The following RAPGEF6 variants were observed in gnomAD, a reference collection of about 807,000 sequenced individuals.
RAPGEF6 encodes the protein Rap guanine nucleotide exchange factor 6.
Under a neutral mutation model 171.4 loss-of-function variants are expected in RAPGEF6, and 56 were observed. That is an observed-to-expected ratio of 0.33 (90% confidence interval 0.26 to 0.41). The LOEUF is 0.41. Ranked by LOEUF, RAPGEF6 falls within the 10% of genes least tolerant of loss-of-function variation. The pLI is 1.00. For missense variants in RAPGEF6, 1,674 were observed against 1,921.4 expected (o/e 0.87, Z 2.41); for synonymous variants, 692 against 650.1 (o/e 1.06, Z -0.98).
At chr5:131,521,203 T>C (rs1479087935) in intron 7 of RAPGEF6, among the ~76,000 whole-genome samples, 187 bp downstream of exon 7, 1 of 152,218 alleles carries the variant, frequency 6.6e-6, no homozygotes, top group African/African-American at 2.4e-5. Context: ...TTAATCATTC[T>C]CAAAAGACAG....
chr5:131,540,254 C>A (rs1408053572), intron 6 of RAPGEF6, among the ~76,000 whole-genome samples: 3 of 152,190 alleles, frequency 2.0e-5, no homozygotes, highest in African/African-American at 7.2e-5. Context: ...AACACTCATA[C>A]AGGCACACTG....
chr5:131,455,533 C>T (rs1753427409), intron 20 of RAPGEF6, among the ~76,000 whole-genome samples: 1 of 152,226 alleles, frequency 6.6e-6, no homozygotes, highest in South Asian at 2.1e-4. Context: ...TCTGGGATTA[C>T]AGGCGTGAGC....
intron 5 of RAPGEF6, among the ~76,000 whole-genome samples, chr5:131,553,711 A>G (rs568658605): frequency 6.6e-5 from 10 of 152,216 alleles, no homozygotes; most frequent in Non-Finnish European, 1.5e-4. Flanking sequence ...AGTTAAGATC[A>G]AGGAAATTAA....
At chr5:131,543,092 T>C (rs912385939) in intron 6 of RAPGEF6, among the ~76,000 whole-genome samples, 1 of 152,188 alleles carries the variant, frequency 6.6e-6, no homozygotes, top group Non-Finnish European at 1.5e-5. Context: ...AAGGTACTTA[T>C]ATGCTAGATT....
At chr5:131,581,708 T>C (rs1041018982) in intron 4 of RAPGEF6, among the ~76,000 whole-genome samples, 4 of 152,172 alleles carry the variant, frequency 2.6e-5, no homozygotes, top group Admixed American at 6.5e-5. Flanking sequence ...AAGACAGGAA[T>C]GTAAGGTCCT....
chr5:131,443,016 C>T (rs2149814417), intron 22 of RAPGEF6, among the ~76,000 whole-genome samples: 1 of 151,558 alleles, frequency 6.6e-6, no homozygotes, highest in Admixed American at 6.6e-5. Flanking sequence ...TGCAATGGTG[C>T]AATCTTGGCT....
intron 6 of RAPGEF6, among the ~76,000 whole-genome samples, chr5:131,540,667 T>A (rs1339015555): frequency 1.3e-5 from 2 of 152,364 alleles, no homozygotes; most frequent in East Asian, 3.9e-4. Context: ...CAAAGTTTTT[T>A]AAACCTTTGA....
rs1183292522 is a variant in RAPGEF6 at position 131,447,906 on chromosome 5, T to C, written c.3201-1203A>G. Among the ~76,000 whole-genome samples, 4 of 152,214 alleles carry C rather than the reference T, an allele frequency of 2.6e-5. No individual in the cohort carries two copies. In the East Asian group the frequency reaches 7.7e-4, roughly 29 times the overall value. ...AAACTATGACAAGACATTATTTACA[T>C]CTGCAGAGACCTCAAAACTTGCAGA... is the stretch of plus-strand genomic sequence containing the variant. On this transcript the variant is annotated intron_variant, in intron 21 of 27. Coordinates refer to ENST00000509018, the MANE Select transcript of RAPGEF6 (RefSeq NM_016340.6).
chr5:131,596,008 G>A (rs756434540), intron 3 of RAPGEF6, among the ~76,000 whole-genome samples: 2 of 152,116 alleles, frequency 1.3e-5, no homozygotes, highest in East Asian at 1.9e-4. Context: ...ACAAAAATTA[G>A]CTGGGTGTGG....
At chr5:131,428,815 A>G in intron 27 of RAPGEF6, 87 bp downstream of exon 27, 1 of 1,332,304 alleles carries the variant, frequency 7.5e-7, no homozygotes, top group Non-Finnish European at 1.0e-6. Context: ...AGAAACAATT[A>G]CTAATTACCA....
At chr5:131,571,253 T>C (rs1310265241) in intron 4 of RAPGEF6, among the ~76,000 whole-genome samples, 6 of 152,128 alleles carry the variant, frequency 3.9e-5, no homozygotes, top group African/African-American at 1.4e-4. Flanking sequence ...CCAACTACTT[T>C]TTATTAATAG....
intron 1 of RAPGEF6, among the ~76,000 whole-genome samples, chr5:131,632,362 G>A (rs757736097): frequency 4.5e-4 from 68 of 152,278 alleles, no homozygotes; most frequent in African/African-American, 1.6e-3. Flanking sequence ...TACCCCTATA[G>A]TTAATGCCAT....
intron 18 of RAPGEF6, chr5:131,463,779 TA>T (rs1328973458): frequency 9.3e-7 from 1 of 1,074,464 alleles, no homozygotes; most frequent in Non-Finnish European, 1.1e-6. Context: ...AACAAATTTA[TA>T]AATTAGTAGA....
At chr5:131,470,984 G>A (rs1476462054) in intron 17 of RAPGEF6, among the ~76,000 whole-genome samples, 2 of 152,174 alleles carry the variant, frequency 1.3e-5, no homozygotes, top group Non-Finnish European at 2.9e-5. Context: ...CCCTGGTAGT[G>A]ACATTTCTTT....
At chr5:131,428,810 C>A (rs892483538) in intron 27 of RAPGEF6, 92 bp downstream of exon 27, 10 of 1,322,584 alleles carry the variant, frequency 7.6e-6, no homozygotes, top group African/African-American at 4.4e-5. Flanking sequence ...TTTAAAGAAA[C>A]AATTACTAAT....
At chr5:131,543,651 T>G (rs926630538) in intron 6 of RAPGEF6, among the ~76,000 whole-genome samples, 7 of 152,126 alleles carry the variant, frequency 4.6e-5, no homozygotes, top group African/African-American at 1.7e-4. Context: ...TTTTTAGAGG[T>G]GAAGCACCGA....
In RAPGEF6 at chr5:131,429,102, A is replaced by G. The variant is rs1561456256; in HGVS notation, c.4580T>C (p.Leu1527Pro). ...TGCCACACTATAATCTGGAGGTTTT[A>G]GGTGTGTGTGGGGTCCTTCCTTTAG... ...ADLKEGPHTH[L>P]KPPDYSVAVQ... The change falls in exon 27 of 28, where the codon CTA (leucine) becomes CCA (proline). Residue 1527 changes from leucine (L) to proline (P), a missense_variant. Around this residue, in one of 3 missense-constraint regions of RAPGEF6, gnomAD observed 552 missense variants for 574.2 expected, o/e 0.96. Coordinates refer to ENST00000509018, the MANE Select transcript of RAPGEF6 (RefSeq NM_016340.6). The G allele has an allele frequency of 1.2e-6, 2 of 1,614,078 alleles. No homozygotes were observed. Among genetic ancestry groups the G allele is most frequent in the African/African-American group, 2.7e-5 (2 of 74,946 alleles).
chr5:131,480,705 C>A (rs1755412810), intron 15 of RAPGEF6, among the ~76,000 whole-genome samples: 1 of 152,116 alleles, frequency 6.6e-6, no homozygotes, highest in Admixed American at 6.5e-5. Flanking sequence ...TCTCGAACTC[C>A]TGACCTCAGG....
chr5:131,474,425 C>A (rs1366206343), intron 16 of RAPGEF6, among the ~76,000 whole-genome samples: 1 of 152,060 alleles, frequency 6.6e-6, no homozygotes, highest in Non-Finnish European at 1.5e-5. Flanking sequence ...GCCTGGGTGA[C>A]AGAGCAAGAC....
Sources: allele counts gnomAD v4.1 joint callset (sites outside exome capture counted in the v4.1 genomes callset), GRCh38; gene constraint gnomAD v4.1.1; regional missense constraint gnomAD v4.1.1; transcripts MANE v1.5; gene names NCBI Gene and HGNC (gene_info 2026-07-23, HGNC 2026-07-21).